ZNF385D: variants seen among roughly 807,000 people sequenced by gnomAD.
The protein encoded by ZNF385D is zinc finger protein 659.
In ZNF385D, 15 loss-of-function variants were observed where a neutral mutation model predicts 35.8. The observed-to-expected ratio is 0.42, with a 90% confidence interval of 0.28 to 0.64. The LOEUF (loss-of-function observed/expected upper bound fraction) is 0.64. Among genes scored for constraint, ZNF385D ranks in the 30% least tolerant of loss-of-function variants. The probability of loss-of-function intolerance (pLI) is 0.23; values close to 1 mark genes in which losing one functional copy is unlikely to be tolerated. For missense variants in ZNF385D, 474 were observed against 494.6 expected, an observed-to-expected ratio of 0.96 and a Z score of 0.39; for synonymous variants, 212 against 186.8, an observed-to-expected ratio of 1.13 and a Z score of -1.10.
At chr3:22,267,105 C>T (rs937908357) in intron 2 of ZNF385D, among the ~76,000 whole-genome samples, 8 of 151,850 alleles carry the variant, frequency 5.3e-5, no homozygotes, top group Admixed American at 3.3e-4. Flanking sequence ...CAATTGCTTA[C>T]GTCATGAACT....
In ZNF385D at chr3:21,526,228, T is replaced by A. The variant is rs550582802; in HGVS notation, c.277-15205A>T. Among the ~76,000 whole-genome samples the A allele has an allele frequency of 1.1e-4, 17 of 152,188 alleles. No homozygotes were observed. The South Asian group carries it at 3.5e-3, about 32-fold the overall frequency. On this transcript the variant is annotated intron_variant, in intron 3 of 7. Coordinates refer to ENST00000281523, the MANE Select transcript of ZNF385D (RefSeq NM_024697.3). ...CCAAAATTTAGTTTTTGATAAGGAA[T>A]TGTAGAGTGCCTGTTCCTTAAAGTT...
intron 3 of ZNF385D, among the ~76,000 whole-genome samples, chr3:22,041,663 T>C (rs747647556): frequency 3.3e-5 from 5 of 152,052 alleles, no homozygotes; most frequent in Non-Finnish European, 7.4e-5. Context: ...TTTACAGCAA[T>C]AGTGGCAATA....
intron 3 of ZNF385D, among the ~76,000 whole-genome samples, chr3:22,043,908 G>A (rs1340567464): frequency 6.6e-6 from 1 of 152,066 alleles, no homozygotes; most frequent in African/African-American, 2.4e-5. Context: ...AGAAGTGAGG[G>A]AGGCCTCCAA....
intron 3 of ZNF385D, among the ~76,000 whole-genome samples, chr3:22,085,343 A>G (rs962969789): frequency 3.3e-5 from 5 of 152,298 alleles, no homozygotes; most frequent in Non-Finnish European, 5.9e-5. Context: ...ACTAATAAAG[A>G]AGAAAAGAGA....
intron 3 of ZNF385D, among the ~76,000 whole-genome samples, chr3:21,798,386 G>C (rs768680419): frequency 6.6e-6 from 1 of 152,124 alleles, no homozygotes; most frequent in Non-Finnish European, 1.5e-5. Flanking sequence ...TACGACTGAA[G>C]TCTTTGTGCT....
chr3:22,163,728 C>T (rs776410227), intron 3 of ZNF385D, among the ~76,000 whole-genome samples: 21 of 152,242 alleles, frequency 1.4e-4, no homozygotes, highest in Middle Eastern at 6.8e-3. Context: ...GTAAAAATCT[C>T]TATTGTTATT....
chr3:21,477,905 A>G (rs1704353560), intron 4 of ZNF385D, among the ~76,000 whole-genome samples: 1 of 152,144 alleles, frequency 6.6e-6, no homozygotes, highest in Admixed American at 6.6e-5. Context: ...ATTTCTAATA[A>G]AAAGAACAAA....
At chr3:21,978,568 T>C (rs1481481028) in intron 3 of ZNF385D, among the ~76,000 whole-genome samples, 1 of 152,206 alleles carries the variant, frequency 6.6e-6, no homozygotes, top group Non-Finnish European at 1.5e-5. Flanking sequence ...AGACATACGT[T>C]TGTAATCAGA....
At chr3:22,171,233 C>A (rs185933613) in intron 2 of ZNF385D, among the ~76,000 whole-genome samples, 3 of 152,280 alleles carry the variant, frequency 2.0e-5, no homozygotes. Context: ...TAGGTGTGCC[C>A]TTGTAACACA....
At chr3:22,043,347 A>T (rs904385628) in intron 3 of ZNF385D, among the ~76,000 whole-genome samples, 2 of 152,168 alleles carry the variant, frequency 1.3e-5, no homozygotes, top group African/African-American at 4.8e-5. Context: ...TGTGGCCCAG[A>T]TTCTAAACTG....
At chr3:21,960,517 A>G (rs1332509647) in intron 3 of ZNF385D, among the ~76,000 whole-genome samples, 4 of 152,130 alleles carry the variant, frequency 2.6e-5, no homozygotes, top group African/African-American at 9.7e-5. Context: ...CATTAGGGAA[A>G]ACAGTGTGGA....
chr3:22,355,127 A>G (rs940581468), intron 2 of ZNF385D, among the ~76,000 whole-genome samples: 69 of 152,134 alleles, frequency 4.5e-4, no homozygotes, highest in African/African-American at 1.6e-3. Flanking sequence ...CTGCCATATC[A>G]TGTATCATGT....
chr3:21,474,157 T>G (rs1704083659), intron 4 of ZNF385D, among the ~76,000 whole-genome samples: 1 of 152,034 alleles, frequency 6.6e-6, no homozygotes, highest in South Asian at 2.1e-4. Flanking sequence ...AGGCATTGTC[T>G]AACTTTTCAA....
intron 3 of ZNF385D, among the ~76,000 whole-genome samples, chr3:22,100,159 C>T (rs917525624): frequency 2.1e-5 from 3 of 144,306 alleles, no homozygotes; most frequent in African/African-American, 8.0e-5. Flanking sequence ...GTTAGAATGG[C>T]AATCATTAAA....
At chr3:21,911,618 T>C (rs1366171200) in intron 3 of ZNF385D, among the ~76,000 whole-genome samples, 1 of 152,010 alleles carries the variant, frequency 6.6e-6, no homozygotes, top group Non-Finnish European at 1.5e-5. Context: ...CCTCAGTTCA[T>C]TTTACCATTT....
Position 22,344,569 on chromosome 3 carries a change from CTTTGTTTTTTTGT to C in ZNF385D, c.106+27868_106+27880del, listed in dbSNP as rs766893795. Among the ~76,000 whole-genome samples the C allele has an allele frequency of 2.9e-4, 44 of 149,486 alleles. 1 individual carries two copies. The highest frequency in any genetic ancestry group is 2.1e-3 in the South Asian group (10 of 4,764). On this transcript the variant is annotated intron_variant, in intron 2 of 5. Transcript: ENST00000494108. ...CATGCCTGCCTCATTTTGGGGTTTTCTTTGTTTTTTTGTTTTGTTTTTTTGTATTTTTTGTAGA... is the reference window on the plus strand; with the variant it reads ...CATGCCTGCCTCATTTTGGGGTTTTCTTTGTTTTTTTGTATTTTTTGTAGA...
chr3:21,457,509 C>T (rs1175006954), intron 4 of ZNF385D, among the ~76,000 whole-genome samples: 1 of 152,006 alleles, frequency 6.6e-6, no homozygotes, highest in East Asian at 1.9e-4. Context: ...GGGCATGCCA[C>T]CATGCCTAGC....
At chr3:22,038,633 T>A (rs933258160) in intron 3 of ZNF385D, among the ~76,000 whole-genome samples, 6 of 152,086 alleles carry the variant, frequency 3.9e-5, no homozygotes, top group African/African-American at 1.4e-4. Context: ...AATCAAAAGT[T>A]TGAAAAAACT....
At chr3:22,319,521 T>G (rs899981339) in intron 2 of ZNF385D, among the ~76,000 whole-genome samples, 5 of 152,148 alleles carry the variant, frequency 3.3e-5, no homozygotes, top group African/African-American at 1.2e-4. Flanking sequence ...TATTGGACAC[T>G]AGAAATGCTG....
Sources: gnomAD v4.1 joint callset for allele counts (sites outside exome capture counted in the v4.1 genomes callset) on GRCh38, gnomAD v4.1.1 for gene constraint, MANE v1.5 for transcripts, NCBI Gene and HGNC (gene_info 2026-07-23, HGNC 2026-07-21) for gene names.